Variants in MAML2 observed in about 807,000 individuals in gnomAD.
MAML2 encodes mastermind-like protein 2.
In MAML2, 22 loss-of-function variants were observed where a neutral mutation model predicts 96.1. The ratio of observed to expected loss-of-function variants is 0.23; its 90% CI spans 0.16 to 0.33. The LOEUF is 0.33. Ranked by LOEUF, MAML2 falls within the 10% of genes least tolerant of loss-of-function variation. MAML2 has a pLI of 1.00. For missense variants in MAML2, 1,367 were observed against 1,392.4 expected (o/e 0.98, Z 0.29); for synonymous variants, 561 against 521.3 (o/e 1.08, Z -1.04).
chr11:96,037,571 G>A (rs573788388), intron 2 of MAML2, among the ~76,000 whole-genome samples: 2 of 152,306 alleles, frequency 1.3e-5, no homozygotes, highest in Admixed American at 6.5e-5. Flanking sequence ...AAGAAGCTTA[G>A]ATTGATACTA....
At chr11:96,175,435 A>C (rs1346005826) in intron 1 of MAML2, among the ~76,000 whole-genome samples, 1 of 152,234 alleles carries the variant, frequency 6.6e-6, no homozygotes, top group East Asian at 1.9e-4. Flanking sequence ...TAGAGGTACC[A>C]CAGACCTTGT....
rs1410241206 is a variant in MAML2 at position 96,063,751 on chromosome 11, C to T, written c.2139+28141G>A. On this transcript the variant is annotated intron_variant, in intron 2 of 4. Transcript: ENST00000524717. ...TTCTCAAATAACTACCCAATAAATG[C>T]TCATTAAAAACAAAACAAAACAAAA... 2.0e-5 allele frequency among the ~76,000 whole-genome samples: 3 copies of T among 152,152 alleles called. No individual in the cohort carries two copies. The East Asian group carries it at 5.8e-4, about 29-fold the overall frequency.
At chr11:96,121,135 T>TGA (rs966770801) in intron 1 of MAML2, among the ~76,000 whole-genome samples, 9 of 151,972 alleles carry the variant, frequency 5.9e-5, no homozygotes, top group African/African-American at 2.2e-4. Context: ...GGCTCATTTC[T>TGA]GAGAGAGAGA....
chr11:96,166,215 A>ACACACACACC (rs1372110272), intron 1 of MAML2, among the ~76,000 whole-genome samples: 227 of 145,340 alleles, frequency 1.6e-3, no homozygotes, highest in Non-Finnish European at 1.9e-3. Context: ...ACACACACAC[A>ACACACACACC]CCCCACATTA....
intron 1 of MAML2, among the ~76,000 whole-genome samples, chr11:96,167,408 A>G (rs1187590898): frequency 6.6e-6 from 1 of 152,120 alleles, no homozygotes; most frequent in African/African-American, 2.4e-5. Flanking sequence ...ACTGGCCCCC[A>G]GAGGTGTCTT....
At chr11:96,237,746 A>G (rs531378884) in intron 1 of MAML2, among the ~76,000 whole-genome samples, 1 of 152,310 alleles carries the variant, frequency 6.6e-6, no homozygotes, top group East Asian at 1.9e-4. Flanking sequence ...AAAACTACAT[A>G]ATCTTTTATG....
At chr11:96,301,387 C>T (rs1388938994) in intron 1 of MAML2, among the ~76,000 whole-genome samples, 1 of 152,160 alleles carries the variant, frequency 6.6e-6, no homozygotes, top group Non-Finnish European at 1.5e-5. Flanking sequence ...ACATGCTACA[C>T]CCTAAGTACC....
chr11:96,065,055 TC>T (rs2135782178), intron 2 of MAML2, among the ~76,000 whole-genome samples: 1 of 152,306 alleles, frequency 6.6e-6, no homozygotes, highest in African/African-American at 2.4e-5. Context: ...TGTTTTTGTG[TC>T]AAAGTGGACA....
chr11:95,989,775 A>G (rs1321918821), intron 3 of MAML2, among the ~76,000 whole-genome samples: 1 of 152,208 alleles, frequency 6.6e-6, no homozygotes, highest in Admixed American at 6.5e-5. Context: ...ATTCAACGTC[A>G]TCTGTAATCT....
At chr11:96,141,701 G>A (rs1860732799) in intron 1 of MAML2, among the ~76,000 whole-genome samples, 1 of 152,188 alleles carries the variant, frequency 6.6e-6, no homozygotes, top group South Asian at 2.1e-4. Flanking sequence ...TAGCAATGGG[G>A]GTGGTGATAC....
chr11:96,255,261 G>A (rs540407197), intron 1 of MAML2, among the ~76,000 whole-genome samples: 2 of 152,282 alleles, frequency 1.3e-5, no homozygotes, highest in South Asian at 2.1e-4. Context: ...TGAACTGTTC[G>A]TTGCATAACT....
chr11:96,116,475 T>C (rs1274380546), intron 1 of MAML2, among the ~76,000 whole-genome samples: 3 of 152,228 alleles, frequency 2.0e-5, no homozygotes, highest in East Asian at 3.8e-4. Context: ...TGTAGCACGA[T>C]GTACCTTTTC....
At chr11:96,215,972 G>A (rs1862043600) in intron 1 of MAML2, among the ~76,000 whole-genome samples, 1 of 151,948 alleles carries the variant, frequency 6.6e-6, no homozygotes, top group Non-Finnish European at 1.5e-5. Context: ...AAAAGCACAG[G>A]GGAACAAGTT....
chr11:96,340,981 AT>A (rs1863985063), intron 1 of MAML2, among the ~76,000 whole-genome samples: 2 of 152,302 alleles, frequency 1.3e-5, no homozygotes, highest in African/African-American at 4.8e-5. Flanking sequence ...AGCTGGGCTG[AT>A]AAATGCTTTG....
intron 2 of MAML2, among the ~76,000 whole-genome samples, chr11:96,061,457 G>A (rs1334832860): frequency 1.3e-5 from 2 of 152,184 alleles, no homozygotes; most frequent in African/African-American, 4.8e-5. Context: ...CTCAGGAGAG[G>A]AAAATATAAA....
At chr11:95,998,166 GTCTGTCTGTCTA>G (rs201459021) in intron 2 of MAML2, among the ~76,000 whole-genome samples, 2 of 147,544 alleles carry the variant, frequency 1.4e-5, no homozygotes, top group African/African-American at 5.1e-5. Context: ...CTGTCTGTCT[GTCTGTCTGTCTA>G]TCTATCTATC....
intron 1 of MAML2, among the ~76,000 whole-genome samples, chr11:96,303,573 G>C (rs1252333323): frequency 6.6e-6 from 1 of 152,042 alleles, no homozygotes; most frequent in Non-Finnish European, 1.5e-5. Context: ...TATAATAAAA[G>C]AAAGTAAAGA....
Position 96,092,998 on chromosome 11 carries a change from C to A in MAML2, c.1033G>T (p.Gly345Cys), listed in dbSNP as rs773027008. Residue 345 changes from glycine to cysteine, a missense_variant, in exon 2 of 5, where the codon GGT becomes TGT. Physicochemically the swap from Gly to Cys is radical, Grantham distance 159. Transcript: ENST00000524717. This position sits in a 1 kb window ranked among gnomAD's most constrained non-coding sequence, Gnocchi z 4.1. ...KQDDPFNIDLGQQSQRSTPRP... is the reference protein window; with the variant it reads ...KQDDPFNIDLCQQSQRSTPRP... ...GGTGTGCTCCTCTGGCTTTGCTGACCCAAGTCAATGTTAAATGGGTCATCC... is the reference window on the plus strand; with the variant it reads ...GGTGTGCTCCTCTGGCTTTGCTGACACAAGTCAATGTTAAATGGGTCATCC... 36 of 1,613,776 alleles carry A rather than the reference C, an allele frequency of 2.2e-5. No homozygotes were observed. Among genetic ancestry groups the A allele is most frequent in the Non-Finnish European group, 3.1e-5 (36 of 1,179,880 alleles).
At chr11:96,178,194 G>A (rs962287133) in intron 1 of MAML2, among the ~76,000 whole-genome samples, 11 of 151,722 alleles carry the variant, frequency 7.3e-5, no homozygotes, top group African/African-American at 2.4e-4. Flanking sequence ...AAAGACATCC[G>A]TGGGTTTGTG....
Sources: allele counts gnomAD v4.1 joint callset (sites outside exome capture counted in the v4.1 genomes callset), GRCh38; gene constraint gnomAD v4.1.1; non-coding constraint Gnocchi (gnomAD v3.1); transcripts MANE v1.5; gene names NCBI Gene and HGNC (gene_info 2026-07-23, HGNC 2026-07-21).